TNIK: variants seen among roughly 807,000 people sequenced by gnomAD.
TNIK encodes the protein TRAF2 and NCK-interacting protein kinase.
Under a neutral mutation model 191.3 loss-of-function variants are expected in TNIK, and 49 were observed. The ratio of observed to expected loss-of-function variants is 0.26; its 90% CI spans 0.20 to 0.32. TNIK has a LOEUF of 0.32. Among genes scored for constraint, TNIK ranks in the 10% least tolerant of loss-of-function variants. The probability of loss-of-function intolerance (pLI) is 1.00; values close to 1 mark genes in which losing one functional copy is unlikely to be tolerated. For missense variants in TNIK, 1,155 were observed against 1,702.3 expected (o/e 0.68, Z 5.66); for synonymous variants, 594 against 600.9 (o/e 0.99, Z 0.17).
intron 28 of TNIK, among the ~76,000 whole-genome samples, chr3:171,073,861 AGAT>A (rs1283909471): frequency 2.0e-5 from 3 of 150,566 alleles, no homozygotes; most frequent in Admixed American, 2.0e-4. Flanking sequence ...AAAAAAAAAA[AGAT>A]GGTGGTGAGG....
intron 2 of TNIK, among the ~76,000 whole-genome samples, chr3:171,283,397 A>G (rs1413837232): frequency 6.6e-6 from 1 of 152,214 alleles, no homozygotes; most frequent in Non-Finnish European, 1.5e-5. Context: ...GAGAAAGCCA[A>G]TAGTATAACT....
chr3:171,148,660 C>A lies in TNIK; in HGVS notation c.1222-8151G>T, dbSNP rs535289632. Reference sequence around the variant, plus strand: ...CCACTCCAGTACTCCCGAGATGATACTAAAGATGCTAACTTATACGTAGAA... The same window carrying A: ...CCACTCCAGTACTCCCGAGATGATAATAAAGATGCTAACTTATACGTAGAA... On this transcript the variant is annotated intron_variant, in intron 12 of 32. Transcript: ENST00000436636. Among the ~76,000 whole-genome samples, 13 of 152,252 alleles carry A rather than the reference C, an allele frequency of 8.5e-5. 1 individual carries two copies. Among genetic ancestry groups the A allele is most frequent in the Admixed American group, 7.2e-4 (11 of 15,300 alleles).
At chr3:171,099,038 T>G (rs1433961600) in intron 22 of TNIK, among the ~76,000 whole-genome samples, 1 of 152,152 alleles carries the variant, frequency 6.6e-6, no homozygotes, top group Non-Finnish European at 1.5e-5. Context: ...TTAAGAACCA[T>G]GTCAAGTCTT....
intron 2 of TNIK, among the ~76,000 whole-genome samples, chr3:171,327,786 G>C (rs570461672): frequency 6.6e-6 from 1 of 151,524 alleles, no homozygotes; most frequent in African/African-American, 2.4e-5. Context: ...AAGGTGTAAC[G>C]GGTGCCCCTT....
At chr3:171,390,453 C>G (rs1421306885) in intron 1 of TNIK, among the ~76,000 whole-genome samples, 1 of 152,170 alleles carries the variant, frequency 6.6e-6, no homozygotes, top group East Asian at 1.9e-4. Context: ...TAAGGCCTTT[C>G]GTTCTCACCG....
At chr3:171,338,063 C>T (rs1018324705) in intron 2 of TNIK, among the ~76,000 whole-genome samples, 9 of 152,186 alleles carry the variant, frequency 5.9e-5, no homozygotes, top group Admixed American at 1.3e-4. Context: ...TTTTACCAGG[C>T]TCTTCTACGT....
At chr3:171,326,260 C>A (rs571777052) in intron 2 of TNIK, among the ~76,000 whole-genome samples, 2 of 152,266 alleles carry the variant, frequency 1.3e-5, no homozygotes, top group African/African-American at 4.8e-5. Context: ...TAGTGTATTT[C>A]TTTGGCTTTA....
chr3:171,205,218 G>T (rs1348722466), intron 4 of TNIK, among the ~76,000 whole-genome samples: 1 of 152,088 alleles, frequency 6.6e-6, no homozygotes, highest in Non-Finnish European at 1.5e-5. Flanking sequence ...TTATGTTTCT[G>T]TCTTTCTTCT....
At chr3:171,438,564 G>A (rs1327435799) in intron 1 of TNIK, among the ~76,000 whole-genome samples, 1 of 152,222 alleles carries the variant, frequency 6.6e-6, no homozygotes, top group Non-Finnish European at 1.5e-5. Flanking sequence ...CTGCCCTTAA[G>A]AAGCTTATAA....
At chr3:171,109,377 C>T (rs984641298) in intron 19 of TNIK, among the ~76,000 whole-genome samples, 1 of 152,214 alleles carries the variant, frequency 6.6e-6, no homozygotes, top group African/African-American at 2.4e-5. Flanking sequence ...CAAAGACATA[C>T]AGTAGATACT....
At chr3:171,199,038 T>C (rs561445555) in intron 4 of TNIK, among the ~76,000 whole-genome samples, 1 of 152,260 alleles carries the variant, frequency 6.6e-6, no homozygotes, top group Admixed American at 6.5e-5. Flanking sequence ...AAAATTAGAT[T>C]GGACAACATA....
intron 2 of TNIK, among the ~76,000 whole-genome samples, chr3:171,314,191 C>G (rs1282472319): frequency 6.6e-6 from 1 of 152,180 alleles, no homozygotes. Context: ...ACAACCACAT[C>G]TCTTAGTGCA....
chr3:171,064,962 G>C (rs188463263), intron 32 of TNIK, among the ~76,000 whole-genome samples: 1 of 152,154 alleles, frequency 6.6e-6, no homozygotes, highest in Non-Finnish European at 1.5e-5. Context: ...GAATCAAAAC[G>C]GAGAAGGACA....
intron 30 of TNIK, among the ~76,000 whole-genome samples, chr3:171,067,453 G>A (rs1051703512): frequency 5.9e-5 from 9 of 151,840 alleles, no homozygotes; most frequent in Non-Finnish European, 1.3e-4. Flanking sequence ...GGCGGATCAC[G>A]ACGTCAGGAG....
rs186748870 is a variant in TNIK, at chr3:171,277,728, G to T, written c.124-49507C>A. 2.0e-5 allele frequency among the ~76,000 whole-genome samples: 3 copies of T among 152,314 alleles called. No individual in the cohort carries two copies. In the East Asian group the frequency reaches 5.8e-4, roughly 29 times the overall value. ...AAGTCTGCTTTCTGCTACAACAGTA[G>T]AGTTGAGTAGTTGCAACAGAGACCT... On this transcript the variant is annotated intron_variant, in intron 2 of 32. Transcript: ENST00000436636.
intron 2 of TNIK, among the ~76,000 whole-genome samples, chr3:171,230,784 TC>T (rs1264368831): frequency 6.6e-6 from 1 of 152,160 alleles, no homozygotes; most frequent in Non-Finnish European, 1.5e-5. Context: ...TGTGTATTAT[TC>T]CAAGGACCTC....
chr3:171,380,441 A>T (rs1305048109), intron 1 of TNIK, among the ~76,000 whole-genome samples: 2 of 152,228 alleles, frequency 1.3e-5, no homozygotes, highest in Non-Finnish European at 2.9e-5. Context: ...GTTTTGGAAG[A>T]AGAGCCTTAA....
chr3:171,165,023 C>T (rs562606900), intron 10 of TNIK, among the ~76,000 whole-genome samples: 18 of 152,318 alleles, frequency 1.2e-4, no homozygotes, highest in East Asian at 1.9e-4. Context: ...TTTGGTGGCC[C>T]ATGCCTATAA....
At chr3:171,205,710 C>A (rs1440652873) in intron 4 of TNIK, among the ~76,000 whole-genome samples, 1 of 152,144 alleles carries the variant, frequency 6.6e-6, no homozygotes, top group Non-Finnish European at 1.5e-5. Context: ...CAGATCCCAT[C>A]CCCCTCACTC....
Sources: gnomAD v4.1 joint callset for allele counts (sites outside exome capture counted in the v4.1 genomes callset) on GRCh38, gnomAD v4.1.1 for gene constraint, MANE v1.5 for transcripts, NCBI Gene and HGNC (gene_info 2026-07-23, HGNC 2026-07-21) for gene names.